The following CHD1L variants were observed in gnomAD, a reference collection of about 807,000 sequenced individuals.
The protein encoded by CHD1L is chromodomain helicase DNA binding protein 1 like, also known as ATP-dependent chromatin remodeler CHD1L.
CHD1L carries 118 observed loss-of-function variants against 115.9 expected under a neutral mutation model. The observed-to-expected ratio is 1.02, with a 90% confidence interval of 0.88 to 1.19. CHD1L has a LOEUF of 1.19. Among genes scored for constraint, CHD1L ranks in the 50% most tolerant of loss-of-function variants. CHD1L has a pLI of 0.00. For synonymous variants in CHD1L, 411 were observed against 387.1 expected, an observed-to-expected ratio of 1.06 and a Z score of -0.72; for missense variants, 1,179 against 1,065.3, an observed-to-expected ratio of 1.11 and a Z score of -1.49.
At chr1:147,218,528 G>A in the CHD1L span, among the ~76,000 whole-genome samples, 3 of 151,958 alleles carry the variant, frequency 2.0e-5, no homozygotes, top group Non-Finnish European at 2.9e-5. Flanking sequence ...GAGCCACCGC[G>A]CCCAGCCTCA....
At chr1:147,198,084 G>A in the CHD1L span, among the ~76,000 whole-genome samples, 10 of 152,118 alleles carry the variant, frequency 6.6e-5, no homozygotes, top group African/African-American at 2.4e-4. Flanking sequence ...TCAGTGTATA[G>A]CTAATGTTAT....
intron 20 of CHD1L, among the ~76,000 whole-genome samples, chr1:147,292,621 G>T (rs1429738515): frequency 6.6e-6 from 1 of 152,232 alleles, no homozygotes; most frequent in African/African-American, 2.4e-5. Flanking sequence ...CAGGAAGCCT[G>T]ATACTGACAT....
upstream of CHD1L, among the ~76,000 whole-genome samples, chr1:147,239,321 T>G (rs1267383875): frequency 6.6e-6 from 1 of 152,188 alleles, no homozygotes; most frequent in Non-Finnish European, 1.5e-5. Flanking sequence ...TCTCAAAGTG[T>G]GGCGTTCTCT....
chr1:147,203,168 C>A, the CHD1L span: 4 of 516,686 alleles, frequency 7.7e-6, no homozygotes, highest in South Asian at 3.0e-5. Flanking sequence ...GCCAAGAATA[C>A]AAACACAAAA....
At chr1:147,213,488 A>G in the CHD1L span, 1 of 1,586,490 alleles carries the variant, frequency 6.3e-7, no homozygotes, top group South Asian at 1.2e-5. Context: ...GAAAAGTGAT[A>G]ACCACAGGGG....
chr1:147,276,338 A>C (rs1678465074), intron 14 of CHD1L, 81 bp downstream of exon 14: 9 of 1,126,592 alleles, frequency 8.0e-6, no homozygotes, highest in East Asian at 5.3e-5. Context: ...AAGAACCAGC[A>C]CTCACCCTCT....
chr1:147,276,617 C>T, intron 14 of CHD1L, among the ~76,000 whole-genome samples: 1 of 152,122 alleles, frequency 6.6e-6, no homozygotes, highest in East Asian at 1.9e-4. Flanking sequence ...AGTCCCAGAG[C>T]CTTTGATCAG....
chr1:147,259,997 T>A, intron 6 of CHD1L, 79 bp downstream of exon 6: 1 of 1,144,464 alleles, frequency 8.7e-7, no homozygotes, highest in South Asian at 1.4e-5. Flanking sequence ...TAATTTTAGA[T>A]TCACAACAAA....
chr1:147,224,024 G>A, the CHD1L span: 1 of 420,574 alleles, frequency 2.4e-6, no homozygotes, highest in Non-Finnish European at 4.7e-6. Context: ...GGTGGTGATT[G>A]CACACGATGC....
At chr1:147,194,393 ATG>A in the CHD1L span, among the ~76,000 whole-genome samples, 2 of 152,034 alleles carry the variant, frequency 1.3e-5, no homozygotes, top group South Asian at 4.1e-4. Context: ...TTTTGAGCCT[ATG>A]TGTGTCTCTG....
intron 16 of CHD1L, among the ~76,000 whole-genome samples, chr1:147,284,813 C>T (rs1682438139): frequency 6.6e-6 from 1 of 152,032 alleles, no homozygotes. Flanking sequence ...GTAATGATGA[C>T]CCTATGACAA....
rs1665119896 is a variant in CHD1L, at chr1:147,242,763, T to G, written c.60T>G (p.Leu20=). 2 of 1,268,842 alleles carry G rather than the reference T, an allele frequency of 1.6e-6. No individual in the cohort carries two copies. The highest frequency in any genetic ancestry group is 1.5e-5 in the African/African-American group (1 of 65,576). 78.6% of individuals were successfully genotyped at this position (1,268,842 alleles called of 1,614,324 possible). ...AAGCCCCTGGCTTCTTACTGCGGCTTCATACTGAGGGCCGAGCCGAGGCGG... is the reference window on the plus strand; with the variant it reads ...AAGCCCCTGGCTTCTTACTGCGGCTGCATACTGAGGGCCGAGCCGAGGCGG... ...GGQAPGFLLR[L]HTEGRAEAAR... Residue 20 remains leucine (L), a synonymous_variant, in exon 1 of 23, where the codon CTT becomes CTG. Coordinates refer to ENST00000369258, the MANE Select transcript of CHD1L (RefSeq NM_004284.6).
chr1:147,196,180 A>C, the CHD1L span, among the ~76,000 whole-genome samples: 1 of 152,108 alleles, frequency 6.6e-6, no homozygotes, highest in Non-Finnish European at 1.5e-5. Flanking sequence ...TCTAATAACT[A>C]TCCTGGTGTA....
At chr1:147,261,412 T>TTTA (rs1173271515) in intron 6 of CHD1L, among the ~76,000 whole-genome samples, 34,969 of 147,322 alleles carry the variant, frequency 0.24, 4,539 homozygotes, top group Non-Finnish European at 0.29. Flanking sequence ...TTTTTTTTTT[T>TTTA]TATATATAAA....
intron 9 of CHD1L, 88 bp downstream of exon 9, chr1:147,267,606 T>A: frequency 1.0e-6 from 1 of 983,498 alleles, no homozygotes; most frequent in Non-Finnish European, 1.5e-6. Flanking sequence ...TAATTGCATA[T>A]ACTTACTTTG....
the CHD1L span, among the ~76,000 whole-genome samples, chr1:147,198,588 T>G: frequency 6.6e-6 from 1 of 152,070 alleles, no homozygotes; most frequent in Non-Finnish European, 1.5e-5. Context: ...CAGTGACTCA[T>G]GCCTGTAATC....
chr1:147,270,355 T>C (rs962118725), intron 10 of CHD1L, among the ~76,000 whole-genome samples: 1 of 152,198 alleles, frequency 6.6e-6, no homozygotes, highest in East Asian at 1.9e-4. Context: ...TCTCGTGTTA[T>C]GGAAAATGAG....
the CHD1L span, chr1:147,209,094 G>A: frequency 4.5e-6 from 7 of 1,549,000 alleles, no homozygotes; most frequent in South Asian, 1.1e-5. Flanking sequence ...ACTCAGATTC[G>A]TAAACCTTCA....
the CHD1L span, chr1:147,225,903 CT>C: frequency 6.6e-6 from 1 of 152,150 alleles, no homozygotes; most frequent in Non-Finnish European, 1.5e-5. Context: ...AGGCTTACAA[CT>C]TTAAGGGGTC....
Sources: gnomAD v4.1 joint callset for allele counts (sites outside exome capture counted in the v4.1 genomes callset) on GRCh38, gnomAD v4.1.1 for gene constraint, MANE v1.5 for transcripts, NCBI Gene and HGNC (gene_info 2026-07-23, HGNC 2026-07-21) for gene names.